ZFHX4: variants seen among roughly 807,000 people sequenced by gnomAD.
ZFHX4 encodes the protein zinc finger homeobox protein 4.
Under a neutral mutation model 267.6 loss-of-function variants are expected in ZFHX4, and 56 were observed. That is an observed-to-expected ratio of 0.21 (90% CI 0.17 to 0.26). ZFHX4 has a LOEUF of 0.26. Among genes scored for constraint, ZFHX4 ranks in the 10% least tolerant of loss-of-function variants. The pLI is 1.00. For missense variants in ZFHX4, 4,332 were observed against 4,420.0 expected, an observed-to-expected ratio of 0.98 and a Z score of 0.56; for synonymous variants, 1,778 against 1,665.6, an observed-to-expected ratio of 1.07 and a Z score of -1.64.
chr8:76,809,925 T>C (rs981571655), intron 4 of ZFHX4, among the ~76,000 whole-genome samples: 1 of 152,222 alleles, frequency 6.6e-6, no homozygotes, highest in African/African-American at 2.4e-5. Flanking sequence ...TATATTTTTA[T>C]TCCGAAGACC....
At chr8:76,767,044 GGTGTGTGTGTGT>G (rs34640815) in intron 3 of ZFHX4, among the ~76,000 whole-genome samples, 2 of 146,832 alleles carry the variant, frequency 1.4e-5, no homozygotes, top group African/African-American at 5.0e-5. Context: ...CTCATAAAGG[GGTGTGTGTGTGT>G]GTGTGTGTGT....
rs1478326515 is a variant in ZFHX4 at position 76,853,878 on chromosome 8, G to T, written c.6957G>T (p.Val2319=). The change falls in exon 10 of 11, where the codon GTG becomes GTT. Residue 2319 remains valine (V), a synonymous_variant. Transcript: ENST00000651372. ...AGTACCAGTGTAAAAAGTGCAATGTGGTTTTCCCCAGGATCTTTGACTTGA... is the reference window on the plus strand; with the variant it reads ...AGTACCAGTGTAAAAAGTGCAATGTTGTTTTCCCCAGGATCTTTGACTTGA... ...NMQYQCKKCN[V]VFPRIFDLIT... 3.1e-6 allele frequency: 5 copies of T among 1,613,760 alleles called. No homozygotes were observed. Among genetic ancestry groups the T allele is most frequent in the Non-Finnish European group, 4.2e-6 (5 of 1,179,888 alleles).
chr8:76,775,341 G>C (rs1810374647), intron 3 of ZFHX4, among the ~76,000 whole-genome samples: 1 of 152,184 alleles, frequency 6.6e-6, no homozygotes, highest in Non-Finnish European at 1.5e-5. Context: ...AAGTGAAAGG[G>C]AATGAGAGGA....
At chr8:76,805,752 C>A (rs1292342299) in intron 4 of ZFHX4, among the ~76,000 whole-genome samples, 1 of 152,002 alleles carries the variant, frequency 6.6e-6, no homozygotes, top group African/African-American at 2.4e-5. Context: ...CAATTTTACA[C>A]CCTGTAGCAC....
chr8:76,817,700 C>T (rs1227155562), intron 4 of ZFHX4, among the ~76,000 whole-genome samples: 2 of 152,176 alleles, frequency 1.3e-5, no homozygotes, highest in African/African-American at 4.8e-5. Flanking sequence ...GAAAGAATTG[C>T]TAACAAAGCT....
chr8:76,787,977 T>C (rs1485237531), intron 4 of ZFHX4, among the ~76,000 whole-genome samples: 1 of 152,132 alleles, frequency 6.6e-6, no homozygotes, highest in Non-Finnish European at 1.5e-5. Flanking sequence ...CCAAGCCCAA[T>C]TATTCCTCAG....
intron 3 of ZFHX4, among the ~76,000 whole-genome samples, chr8:76,765,113 G>A (rs891801975): frequency 6.6e-6 from 1 of 152,126 alleles, no homozygotes; most frequent in African/African-American, 2.4e-5. Context: ...GGATATAGTT[G>A]TTTGGAACTG....
chr8:76,774,977 TG>T (rs1286250611), intron 3 of ZFHX4, among the ~76,000 whole-genome samples: 1 of 152,190 alleles, frequency 6.6e-6, no homozygotes, highest in Non-Finnish European at 1.5e-5. Context: ...TTGCCTGACT[TG>T]GGAGATATTA....
chr8:76,730,509 T>C lies in ZFHX4; in HGVS notation c.3093+22461T>C, dbSNP rs144590465. 7.2e-3 allele frequency among the ~76,000 whole-genome samples: 1,099 copies of C among 152,178 alleles called. 14 individuals carry two copies. Among genetic ancestry groups the C allele is most frequent in the African/African-American group, 0.025 (1,040 of 41,508 alleles). On this transcript the variant is annotated intron_variant, in intron 3 of 10. Transcript: ENST00000651372. ...TGAGGTCAGGAGTTCAAGACCAGCC[T>C]GGCCAACATGGTCTCAACATCTCTA... is the stretch of plus-strand genomic sequence containing the variant.
In ZFHX4 at chr8:76,856,093, CTG is replaced by C; in HGVS notation, c.9173_9174del (p.Leu3058HisfsTer7). 1 of 1,613,992 alleles carries C rather than the reference CTG, an allele frequency of 6.2e-7. No homozygotes were observed. Among genetic ancestry groups the C allele is most frequent in the Non-Finnish European group, 8.5e-7 (1 of 1,179,880 alleles). On this transcript the variant is annotated frameshift_variant, in exon 10 of 11. Coordinates refer to ENST00000651372, the MANE Select transcript of ZFHX4 (RefSeq NM_024721.5). LOFTEE classifies it high-confidence loss of function. Reference sequence around the variant, plus strand: ...CTTGGCTCCGACCACGGTTCGGCAGCTGATGGCACAGCAAGAACTTGATCGTA... The same window carrying C: ...CTTGGCTCCGACCACGGTTCGGCAGCATGGCACAGCAAGAACTTGATCGTA... The part of the protein sequence containing the change: ...DYLAPTTVRQ[L>X]MAQQELDRIK...
intron 3 of ZFHX4, among the ~76,000 whole-genome samples, chr8:76,744,451 C>A (rs1386326415): frequency 6.6e-6 from 1 of 152,084 alleles, no homozygotes; most frequent in Non-Finnish European, 1.5e-5. Context: ...CTCGCTCTGT[C>A]ACCCAGGGTG....
intron 10 of ZFHX4, 55 bp downstream of exon 10, chr8:76,856,355 G>T (rs1300144008): frequency 1.3e-6 from 2 of 1,592,448 alleles, no homozygotes; most frequent in Non-Finnish European, 1.7e-6. Flanking sequence ...CAGGTAGACA[G>T]TCACATGTAA....
chr8:76,813,957 G>T (rs1563537372), intron 4 of ZFHX4, among the ~76,000 whole-genome samples: 1 of 151,968 alleles, frequency 6.6e-6, no homozygotes, highest in Non-Finnish European at 1.5e-5. Flanking sequence ...TTTAAAAGAG[G>T]AGTACTTTTT....
chr8:76,795,346 T>C (rs1347623331), intron 4 of ZFHX4, among the ~76,000 whole-genome samples: 1 of 152,090 alleles, frequency 6.6e-6, no homozygotes, highest in East Asian at 1.9e-4. Context: ...TAAACATGGC[T>C]CACTGCAGCC....
At chr8:76,824,863 G>A (rs556676070) in intron 4 of ZFHX4, among the ~76,000 whole-genome samples, 1 of 152,046 alleles carries the variant, frequency 6.6e-6, no homozygotes, top group African/African-American at 2.4e-5. Flanking sequence ...GAGTCACTGC[G>A]GGCCTCACTA....
At chr8:76,707,277 G>A (rs945596594) in intron 2 of ZFHX4, among the ~76,000 whole-genome samples, 4 of 152,096 alleles carry the variant, frequency 2.6e-5, no homozygotes, top group African/African-American at 9.7e-5. Flanking sequence ...TGACTGTTTT[G>A]TTATGGTATT....
chr8:76,772,190 G>A (rs1278515195), intron 3 of ZFHX4, among the ~76,000 whole-genome samples: 1 of 152,158 alleles, frequency 6.6e-6, no homozygotes, highest in Admixed American at 6.6e-5. Flanking sequence ...AAAGCACTCA[G>A]TAAAAGTTAA....
At chr8:76,753,827 T>C (rs1332003710) in intron 3 of ZFHX4, among the ~76,000 whole-genome samples, 1 of 152,092 alleles carries the variant, frequency 6.6e-6, no homozygotes, top group Non-Finnish European at 1.5e-5. Context: ...GGAGTCTTAC[T>C]ATGTTGCCCA....
chr8:76,858,822 T>C (rs370166050), intron 10 of ZFHX4, among the ~76,000 whole-genome samples: 3 of 152,212 alleles, frequency 2.0e-5, no homozygotes, highest in East Asian at 1.9e-4. Flanking sequence ...CCCTGGGCCG[T>C]TGCTACAATT....
Sources: gnomAD v4.1 joint callset for allele counts (sites outside exome capture counted in the v4.1 genomes callset) on GRCh38, gnomAD v4.1.1 for gene constraint, MANE v1.5 for transcripts, NCBI Gene and HGNC (gene_info 2026-07-23, HGNC 2026-07-21) for gene names.